ADD1: variants seen among roughly 807,000 people sequenced by gnomAD.
ADD1 encodes the protein adducin 1, also known as alpha-adducin.
ADD1 carries 24 observed loss-of-function variants against 80.5 expected under a neutral mutation model. The observed-to-expected ratio is 0.30, with a 90% CI of 0.22 to 0.42. The LOEUF (loss-of-function observed/expected upper bound fraction) is 0.42, where lower values mean the gene tolerates loss of function less well. Ranked by LOEUF, ADD1 falls within the 10% of genes least tolerant of loss-of-function variation. The pLI, the probability that ADD1 is intolerant of heterozygous loss-of-function variation, is 1.00. For missense variants in ADD1, 948 were observed against 1,019.0 expected (o/e 0.93, Z 0.95); for synonymous variants, 373 against 393.8 (o/e 0.95, Z 0.63).
At chr4:2,877,651 A>T (rs1002101432) in intron 2 of ADD1, among the ~76,000 whole-genome samples, 11 of 152,072 alleles carry the variant, frequency 7.2e-5, no homozygotes, top group Non-Finnish European at 4.4e-5. Context: ...GAACTCAATG[A>T]CAGGAAGGAG....
At chr4:2,921,106 G>A (rs1739956695) in intron 14 of ADD1, among the ~76,000 whole-genome samples, 1 of 152,092 alleles carries the variant, frequency 6.6e-6, no homozygotes, top group South Asian at 2.1e-4. Flanking sequence ...GCTTAGTTTG[G>A]CTGGATATGA....
At chr4:2,846,157 T>C (rs1443640835) in intron 1 of ADD1, among the ~76,000 whole-genome samples, 3 of 152,232 alleles carry the variant, frequency 2.0e-5, no homozygotes, top group Non-Finnish European at 4.4e-5. Flanking sequence ...TTCTCATTTT[T>C]TTTCTTAACA....
chr4:2,884,436 C>T (rs1732907990), intron 3 of ADD1, 79 bp from the exon 4 acceptor site: 1 of 1,180,386 alleles, frequency 8.5e-7, no homozygotes. Context: ...AGTGATCCTC[C>T]TGCCTTAGCC....
chr4:2,871,580 G>A (rs1453631518), intron 1 of ADD1, among the ~76,000 whole-genome samples: 1 of 152,148 alleles, frequency 6.6e-6, no homozygotes, highest in Non-Finnish European at 1.5e-5. Flanking sequence ...AAGGTCTGGA[G>A]GTGCTTTCTT....
rs761584027 is a variant in ADD1 at position 2,928,552 on chromosome 4, GAGCGACCCTGGCTCTGCC to G, written c.*34_*51del. On this transcript the variant is annotated 3_prime_UTR_variant, in exon 16 of 16. Transcript: ENST00000683351. ...CCCTGCGCTAACACTGTCCTGTCCG[GAGCGACCCTGGCTCTGCC>G]AGCGTCCCCGGCCACGTCTGTGCTC... 1 of 1,592,116 alleles carries G rather than the reference GAGCGACCCTGGCTCTGCC, an allele frequency of 6.3e-7. No homozygotes were observed. The highest frequency in any genetic ancestry group is 8.5e-7 in the Non-Finnish European group (1 of 1,172,454).
chr4:2,876,409 T>A (rs1731297774), intron 2 of ADD1: 1 of 202,460 alleles, frequency 4.9e-6, no homozygotes, highest in African/African-American at 2.3e-5. Flanking sequence ...ATTAAAAAAA[T>A]ACCTAGCTTA....
intron 15 of ADD1, among the ~76,000 whole-genome samples, chr4:2,927,852 C>T (rs578211656): frequency 3.9e-5 from 6 of 152,214 alleles, no homozygotes; most frequent in East Asian, 1.9e-4. Flanking sequence ...AGCGGGACGT[C>T]GCTCCTTTAG....
intron 1 of ADD1, chr4:2,855,141 A>G (rs535375097): frequency 2.0e-5 from 3 of 152,294 alleles, no homozygotes; most frequent in South Asian, 2.1e-4. Flanking sequence ...TAATTTCACA[A>G]TCCCAAAATA....
intron 4 of ADD1, 102 bp downstream of exon 4, chr4:2,884,768 G>T: frequency 7.4e-7 from 1 of 1,352,328 alleles, no homozygotes; most frequent in African/African-American, 1.5e-5. Flanking sequence ...CTGAGCTTCA[G>T]TAAGTCTTGG....
At position 2,904,750 on chromosome 4, in the gene ADD1, T is replaced by C. The variant is rs1736753582; in HGVS notation, c.1162-14T>C. The C allele has an allele frequency of 6.2e-7, 1 of 1,602,944 alleles. No individual in the cohort carries two copies. Among genetic ancestry groups the C allele is most frequent in the Non-Finnish European group, 8.5e-7 (1 of 1,170,492 alleles). ...CTGGAATATTGACTGTCTTTCACTC[T>C]CCTTGGACCCTAGGGCTACAGAACT... On this transcript the variant is annotated splice_polypyrimidine_tract_variant and intron_variant, in intron 9 of 15. Transcript: ENST00000683351.
chr4:2,894,256 T>C (rs139765500), intron 5 of ADD1, among the ~76,000 whole-genome samples, 163 bp downstream of exon 5: 1 of 152,306 alleles, frequency 6.6e-6, no homozygotes, highest in Non-Finnish European at 1.5e-5. Flanking sequence ...GTTACAAATA[T>C]TGTAATCTTG....
chr4:2,852,189 T>TTTCTTTC (rs1553815102), intron 1 of ADD1, among the ~76,000 whole-genome samples: 1 of 50,754 alleles, frequency 2.0e-5, no homozygotes, highest in Admixed American at 2.2e-4. Context: ...TTTCTTTCTT[T>TTTCTTTC]CTTTCTTTCC....
intron 1 of ADD1, among the ~76,000 whole-genome samples, chr4:2,869,045 G>C (rs1267368718): frequency 6.6e-6 from 1 of 152,164 alleles, no homozygotes; most frequent in Admixed American, 6.5e-5. Context: ...CTAAAGCTCA[G>C]TAGATGTTTA....
chr4:2,845,205 T>A (rs1319730898), intron 1 of ADD1, among the ~76,000 whole-genome samples: 1 of 152,108 alleles, frequency 6.6e-6, no homozygotes, highest in East Asian at 1.9e-4. Context: ...CCCGAGTAGC[T>A]GGGACTACAG....
At chr4:2,899,684 C>T (rs1299848871) in intron 9 of ADD1, 2 of 508,332 alleles carry the variant, frequency 3.9e-6, no homozygotes, top group African/African-American at 1.9e-5. Context: ...GGGACAAGAG[C>T]ACAGAGAATG....
Position 2,928,710 on chromosome 4 carries a change from ACCCTG to A in ADD1, c.*191_*195del, listed in dbSNP as rs1712432269. 4 of 513,300 alleles carry A rather than the reference ACCCTG, an allele frequency of 7.8e-6. No individual in the cohort carries two copies. In the Admixed American group the frequency reaches 2.0e-4, roughly 26 times the overall value. 31.8% of individuals were successfully genotyped at this position (513,300 alleles called of 1,614,324 possible). ...AGTGTGTGCTCAGCAGCCCCACCCCACCCTGCCCCTTGTCCTCTCAGAGCCTCAGC... is the reference window on the plus strand; with the variant it reads ...AGTGTGTGCTCAGCAGCCCCACCCCACCCCTTGTCCTCTCAGAGCCTCAGC... On this transcript the variant is annotated 3_prime_UTR_variant, in exon 16 of 16. Coordinates refer to ENST00000683351, the MANE Select transcript of ADD1 (RefSeq NM_001354761.2).
intron 1 of ADD1, among the ~76,000 whole-genome samples, chr4:2,852,281 CTTTTCTTTTCTTTTCTTTTCTTTTCTTTT>C (rs1560139225): frequency 1.5e-5 from 1 of 67,460 alleles, no homozygotes; most frequent in Admixed American, 1.4e-4. Flanking sequence ...TTCCTTCCTT[CTTTTCTTTTCTTTTCTTTTCTTTTCTTTT>C]TTTTCTTTTC....
rs1712480134 is a variant in ADD1, at chr4:2,928,849, C to T, written c.*326C>T. 3.4e-6 allele frequency: 1 copy of T among 295,978 alleles called. No individual in the cohort carries two copies. The highest frequency in any genetic ancestry group is 5.5e-5 in the Admixed American group (1 of 18,308). The allele number at this position is 295,978 out of a possible 1,614,324, so 18.3% of individuals were successfully genotyped here. On this transcript the variant is annotated 3_prime_UTR_variant, in exon 16 of 16. Transcript: ENST00000683351. Reference sequence around the variant, plus strand: ...TTGGCTGCACGTCACCCTCCTGAGCCTCACCTTTCCTGCCGTCCCTCCTGT... The same window carrying T: ...TTGGCTGCACGTCACCCTCCTGAGCTTCACCTTTCCTGCCGTCCCTCCTGT...
chr4:2,867,809 T>A (rs932920694), intron 1 of ADD1: 1 of 152,126 alleles, frequency 6.6e-6, no homozygotes, highest in African/African-American at 2.4e-5. Flanking sequence ...AGAGAGAATG[T>A]GGATTAGAGG....
Sources: gnomAD v4.1 joint callset for allele counts (sites outside exome capture counted in the v4.1 genomes callset) on GRCh38, gnomAD v4.1.1 for gene constraint, MANE v1.5 for transcripts, NCBI Gene and HGNC (gene_info 2026-07-23, HGNC 2026-07-21) for gene names.